Variants in CFAP300 observed in about 807,000 individuals in gnomAD.
CFAP300 encodes the protein cilia- and flagella-associated protein 300.
In CFAP300, 32 loss-of-function variants were observed where a neutral mutation model predicts 33.0. The ratio of observed to expected loss-of-function variants is 0.97; its 90% CI spans 0.73 to 1.30. The LOEUF (loss-of-function observed/expected upper bound fraction) is 1.30. CFAP300 is among the 50% of genes most tolerant of loss of function. The pLI, the probability that CFAP300 is intolerant of heterozygous loss-of-function variation, is 0.00. For synonymous variants in CFAP300, 102 were observed against 106.8 expected (o/e 0.95, Z 0.28); for missense variants, 356 against 318.1 (o/e 1.12, Z -0.90).
intron 4 of CFAP300, among the ~76,000 whole-genome samples, chr11:102,074,121 A>G (rs1007581542): frequency 3.3e-5 from 5 of 149,454 alleles, no homozygotes; most frequent in African/African-American, 1.2e-4. Context: ...GGATGTGGAG[A>G]TGCAGGGACT....
chr11:102,054,728 CAAAAA>C (rs542071172), intron 2 of CFAP300, among the ~76,000 whole-genome samples: 1 of 70,922 alleles, frequency 1.4e-5, no homozygotes, highest in African/African-American at 5.2e-5. Context: ...GACTTGGTCT[CAAAAA>C]AAAAAAAAAA....
intron 5 of CFAP300, among the ~76,000 whole-genome samples, chr11:102,076,758 C>G (rs1942400651): frequency 6.6e-6 from 1 of 152,190 alleles, no homozygotes; most frequent in Non-Finnish European, 1.5e-5. Flanking sequence ...TGTTACTTTA[C>G]TTATACTCAA....
chr11:102,049,886 C>T (rs931568567), intron 2 of CFAP300, among the ~76,000 whole-genome samples: 1 of 151,218 alleles, frequency 6.6e-6, no homozygotes, highest in Admixed American at 6.6e-5. Flanking sequence ...CATGGTGGCT[C>T]ACAACTGTAA....
intron 4 of CFAP300, among the ~76,000 whole-genome samples, chr11:102,071,116 T>C (rs1043721113): frequency 1.3e-5 from 2 of 152,178 alleles, no homozygotes; most frequent in African/African-American, 4.8e-5. Flanking sequence ...ATCTGGCTAA[T>C]GTGGAGAGTG....
At chr11:102,073,581 G>A (rs1942348538) in intron 4 of CFAP300, among the ~76,000 whole-genome samples, 1 of 152,178 alleles carries the variant, frequency 6.6e-6, no homozygotes, top group Admixed American at 6.5e-5. Context: ...AGCAGCATGG[G>A]CAATGAGTGG....
Sources: allele counts gnomAD v4.1 joint callset (sites outside exome capture counted in the v4.1 genomes callset), GRCh38; gene constraint gnomAD v4.1.1; transcripts MANE v1.5; gene names NCBI Gene and HGNC (gene_info 2026-07-23, HGNC 2026-07-21).